Variants in RIMS4 observed in about 807,000 individuals in gnomAD.
The protein encoded by RIMS4 is regulating synaptic membrane exocytosis protein 4.
RIMS4 carries 9 observed loss-of-function variants against 29.0 expected under a neutral mutation model. That is an observed-to-expected ratio of 0.31 (90% CI 0.19 to 0.54). RIMS4 has a LOEUF of 0.54. RIMS4 is among the 20% of genes least tolerant of loss of function. The pLI, the probability that RIMS4 is intolerant of heterozygous loss-of-function variation, is 0.94. For synonymous variants in RIMS4, 130 were observed against 152.9 expected (o/e 0.85, Z 1.10); for missense variants, 193 against 365.7 (o/e 0.53, Z 3.85).
At chr20:44,787,398 G>T (rs1568903211) in intron 1 of RIMS4, among the ~76,000 whole-genome samples, 1 of 152,106 alleles carries the variant, frequency 6.6e-6, no homozygotes, top group Non-Finnish European at 1.5e-5. Context: ...CAATTAACAT[G>T]GATTTGTTTA....
At chr20:44,785,547 A>T (rs1348725227) in intron 1 of RIMS4, among the ~76,000 whole-genome samples, 1 of 152,172 alleles carries the variant, frequency 6.6e-6, no homozygotes, top group African/African-American at 2.4e-5. Context: ...ACAAACCTGC[A>T]AATCTTAGTT....
At chr20:44,758,665 A>G (rs2145443238) in intron 2 of RIMS4, among the ~76,000 whole-genome samples, 1 of 152,282 alleles carries the variant, frequency 6.6e-6, no homozygotes, top group South Asian at 2.1e-4. Flanking sequence ...AGCTCCTGAG[A>G]CTGGGCCTCC....
intron 1 of RIMS4, among the ~76,000 whole-genome samples, chr20:44,796,897 A>G (rs567647848): frequency 1.4e-4 from 21 of 152,356 alleles, no homozygotes; most frequent in African/African-American, 4.6e-4. Flanking sequence ...TTTCTAGTAC[A>G]TTCTCCAAAT....
Position 44,771,163 on chromosome 20 carries a change from C to A in RIMS4, c.236+112G>T, listed in dbSNP as rs1304244542. ...GGATGAACCTGGAGCCCTGAGCTGG[C>A]GCTTTCACAGCCTGGAGCTGCCCTA... is the stretch of plus-strand genomic sequence containing the variant. On this transcript the variant is annotated intron_variant, in intron 2 of 5. Transcript: ENST00000372851. The A allele has an allele frequency of 3.9e-6, 5 of 1,272,694 alleles. No individual in the cohort carries two copies. The African/African-American group carries it at 7.6e-5, about 19-fold the overall frequency. The allele number at this position is 1,272,694 out of a possible 1,614,324, so 78.8% of individuals were successfully genotyped here.
intron 1 of RIMS4, among the ~76,000 whole-genome samples, chr20:44,780,477 G>A (rs6130691): frequency 0.028 from 4,227 of 152,268 alleles, 101 homozygotes; most frequent in Admixed American, 0.073. Context: ...CCTTCCCACT[G>A]GCTTGCTGGT....
chr20:44,793,988 G>A (rs1044546446), intron 1 of RIMS4, among the ~76,000 whole-genome samples: 1 of 152,192 alleles, frequency 6.6e-6, no homozygotes, highest in Non-Finnish European at 1.5e-5. Flanking sequence ...AGGATCACTT[G>A]AGCCCAAGAG....
intron 1 of RIMS4, among the ~76,000 whole-genome samples, chr20:44,782,707 ATTC>A (rs2066189973): frequency 1.3e-5 from 2 of 152,336 alleles, no homozygotes; most frequent in South Asian, 4.1e-4. Flanking sequence ...CCATGAGGGA[ATTC>A]TTCCAGCTGC....
intron 1 of RIMS4, among the ~76,000 whole-genome samples, chr20:44,799,154 T>G (rs111858910): frequency 0.034 from 5,244 of 152,086 alleles, 127 homozygotes; most frequent in Non-Finnish European, 0.052. Flanking sequence ...AATATAAAAA[T>G]TAGCTGGGCA....
chr20:44,764,255 C>CATCCATCCATCCAT (rs1325046131), intron 2 of RIMS4, among the ~76,000 whole-genome samples: 56 of 144,288 alleles, frequency 3.9e-4, no homozygotes, highest in South Asian at 1.3e-3. Context: ...TCCATCCATC[C>CATCCATCCATCCAT]TCCCACAAAC....
In RIMS4 at chr20:44,753,900, CTCTT is replaced by C. The variant is rs1162355758; in HGVS notation, c.*2230_*2233del. Reference sequence around the variant, plus strand: ...TTGTTATTGCTTCGGAGCTCTCTCTCTCTTTATAAAGGCTGTGCAGACACCAGGG... The same window carrying C: ...TTGTTATTGCTTCGGAGCTCTCTCTCTATAAAGGCTGTGCAGACACCAGGG... On this transcript the variant is annotated 3_prime_UTR_variant, in exon 6 of 6. Coordinates refer to ENST00000372851, the MANE Select transcript of RIMS4 (RefSeq NM_182970.4). The C allele has an allele frequency of 6.6e-6, 1 of 152,670 alleles. No homozygotes were observed. The highest frequency in any genetic ancestry group is 1.5e-5 in the Non-Finnish European group (1 of 68,062). 9.5% of individuals were successfully genotyped at this position (152,670 alleles called of 1,614,324 possible).
intron 2 of RIMS4, among the ~76,000 whole-genome samples, chr20:44,764,184 A>ATCCG (rs2066101793): frequency 8.3e-5 from 1 of 12,116 alleles, no homozygotes; most frequent in Admixed American, 7.9e-4. Context: ...CCATCCATCC[A>ATCCG]TCCATTTATC....
At chr20:44,761,026 TAC>T (rs2145445313) in intron 2 of RIMS4, among the ~76,000 whole-genome samples, 1 of 152,232 alleles carries the variant, frequency 6.6e-6, no homozygotes, top group African/African-American at 2.4e-5. Context: ...TCTAGAAATT[TAC>T]ACAGATTCTC....
intron 2 of RIMS4, among the ~76,000 whole-genome samples, chr20:44,766,739 T>C (rs746187504): frequency 6.6e-6 from 1 of 152,196 alleles, no homozygotes; most frequent in Non-Finnish European, 1.5e-5. Flanking sequence ...GGTAGCCCTG[T>C]GCACCCAGGC....
intron 1 of RIMS4, among the ~76,000 whole-genome samples, chr20:44,781,377 C>A (rs2066183935): frequency 6.6e-6 from 1 of 152,158 alleles, no homozygotes; most frequent in Non-Finnish European, 1.5e-5. Flanking sequence ...GTAATTAATG[C>A]AGCACTGGAG....
intron 2 of RIMS4, among the ~76,000 whole-genome samples, chr20:44,767,298 A>T (rs1462240838): frequency 6.6e-6 from 1 of 152,194 alleles, no homozygotes; most frequent in Non-Finnish European, 1.5e-5. Context: ...CCCATCTCAG[A>T]GGGCTTGAGC....
At chr20:44,765,501 G>A (rs945363339) in intron 2 of RIMS4, among the ~76,000 whole-genome samples, 1 of 152,172 alleles carries the variant, frequency 6.6e-6, no homozygotes, top group Non-Finnish European at 1.5e-5. Context: ...AGAAATACTA[G>A]TGCTTATAAA....
intron 1 of RIMS4, among the ~76,000 whole-genome samples, chr20:44,781,002 C>T (rs979916454): frequency 2.6e-5 from 4 of 152,198 alleles, no homozygotes; most frequent in Non-Finnish European, 5.9e-5. Flanking sequence ...AAACGTTACT[C>T]TCACTTATCC....
At position 44,810,516 on chromosome 20, in the gene RIMS4, T is replaced by TGGCGGCGGCGGTGGC. The variant is rs1555866075; in HGVS notation, c.-260_-246dup. On this transcript the variant is annotated 5_prime_UTR_variant, in exon 1 of 6. Coordinates refer to ENST00000372851, the MANE Select transcript of RIMS4 (RefSeq NM_182970.4). Reference sequence around the variant, plus strand: ...CTGGCGGCGGCGGCGGCGGCGGCGGTGGCGGCGGCGGTGGCGGCGCAGCGC... The same window carrying TGGCGGCGGCGGTGGC: ...CTGGCGGCGGCGGCGGCGGCGGCGGTGGCGGCGGCGGTGGCGGCGGCGGCGGTGGCGGCGCAGCGC... Among the ~76,000 whole-genome samples, 2 of 137,552 alleles carry TGGCGGCGGCGGTGGC rather than the reference T, an allele frequency of 1.5e-5. No homozygotes were observed. The highest frequency in any genetic ancestry group is 4.4e-4 in the South Asian group (2 of 4,532). 90.2% of individuals were successfully genotyped at this position (137,552 alleles called of 152,430 possible). A position where few individuals can be genotyped will look rare whatever the true frequency, so the allele number is the denominator to read the frequency against.
chr20:44,777,190 C>T (rs1483299571), intron 1 of RIMS4, among the ~76,000 whole-genome samples: 1 of 152,124 alleles, frequency 6.6e-6, no homozygotes, highest in Admixed American at 6.5e-5. Context: ...CATTCAGCAC[C>T]AGGGATAGCG....
Sources: allele counts gnomAD v4.1 joint callset (sites outside exome capture counted in the v4.1 genomes callset), GRCh38; gene constraint gnomAD v4.1.1; transcripts MANE v1.5; gene names NCBI Gene and HGNC (gene_info 2026-07-23, HGNC 2026-07-21).